Variants in ARL13A observed in about 807,000 individuals in gnomAD.
ARL13A encodes ARF like GTPase 13A.
ARL13A carries 16 observed loss-of-function variants against 19.1 expected under a neutral mutation model. That is an observed-to-expected ratio of 0.84 (90% confidence interval 0.57 to 1.27). The LOEUF (loss-of-function observed/expected upper bound fraction) is 1.27, where lower values mean the gene tolerates loss of function less well. Ranked by LOEUF, ARL13A falls within the 50% of genes most tolerant of loss-of-function variation. The pLI is 0.00. For synonymous variants in ARL13A, 69 were observed against 71.3 expected, an observed-to-expected ratio of 0.97 and a Z score of 0.17; for missense variants, 153 against 186.4, an observed-to-expected ratio of 0.82 and a Z score of 1.04.
At chrX:100,990,424 G>A in intron 7 of ARL13A, 138 bp from the exon 8 acceptor site, 1 of 954,124 alleles carries the variant, frequency 1.0e-6, no homozygotes, top group Non-Finnish European at 1.3e-6. Context: ...TAGCAAACAG[G>A]TTCATCTCCA....
intron 3 of ARL13A, among the ~76,000 whole-genome samples, chrX:100,980,745 A>T (rs1205956656): frequency 1.8e-5 from 2 of 111,500 alleles, no homozygotes; most frequent in Non-Finnish European, 3.8e-5. Context: ...GCCCATGGTG[A>T]CTACTGCCTG....
intron 1 of ARL13A, among the ~76,000 whole-genome samples, chrX:100,973,267 C>A (rs1416317551): frequency 6.9e-5 from 5 of 72,376 alleles, no homozygotes; most frequent in African/African-American, 2.6e-4. Flanking sequence ...ACATCCCAGA[C>A]GATGGGCGGC....
Position 100,985,679 on chromosome X carries a change from A to T in ARL13A, c.143A>T (p.Lys48Met). 1 of 1,209,768 alleles carries T rather than the reference A, an allele frequency of 8.3e-7. No individual in the cohort carries two copies. Among genetic ancestry groups the T allele is most frequent in the Non-Finnish European group, 1.1e-6 (1 of 894,573 alleles). Residue 48 changes from lysine (K) to methionine (M), a missense_variant, in exon 4 of 8, where the codon AAG becomes ATG. By Grantham distance (95) the Lys-to-Met change is moderately conservative. Coordinates refer to ENST00000450049, the MANE Select transcript of ARL13A (RefSeq NM_001162491.2). ...VEAFQKLLPS[K>M]TDHCMKSELT... Reference sequence around the variant, plus strand: ...CCCCTATGCACAGTACTTCCCAGTAAGACAGACCATTGCATGAAATCGGAA... The same window carrying T: ...CCCCTATGCACAGTACTTCCCAGTATGACAGACCATTGCATGAAATCGGAA...
At chrX:100,978,378 C>T (rs566277391) in intron 3 of ARL13A, among the ~76,000 whole-genome samples, 2 of 111,496 alleles carry the variant, frequency 1.8e-5, no homozygotes, top group African/African-American at 6.5e-5. Flanking sequence ...CTTTGTATAT[C>T]TGGGTGCTCC....
At chrX:100,979,807 G>A (rs1003867501) in intron 3 of ARL13A, among the ~76,000 whole-genome samples, 1 of 111,842 alleles carries the variant, frequency 8.9e-6, no homozygotes, top group African/African-American at 3.3e-5. Context: ...ATGCATTAGG[G>A]GACACCCTAA....
chrX:100,982,164 C>T (rs2085866809), intron 3 of ARL13A, among the ~76,000 whole-genome samples: 1 of 110,828 alleles, frequency 9.0e-6, no homozygotes, highest in Non-Finnish European at 1.9e-5. Context: ...TCAGCCCCAC[C>T]CCAGATCTAT....
At chrX:100,972,679 C>A (rs1364238012) in intron 1 of ARL13A, among the ~76,000 whole-genome samples, 1 of 14,935 alleles carries the variant, frequency 6.7e-5, no homozygotes, top group African/African-American at 2.7e-4. Context: ...CCCCCACCCA[C>A]CTCCCTCCCG....
In ARL13A at chrX:100,988,179, C is replaced by T. The variant is rs760331149; in HGVS notation, c.654-14C>T. The T allele has an allele frequency of 2.2e-5, 26 of 1,189,832 alleles. 1 individual carries two copies. In the Admixed American group the frequency reaches 4.9e-4, roughly 23 times the overall value. On this transcript the variant is annotated splice_polypyrimidine_tract_variant and intron_variant, in intron 6 of 7. Transcript: ENST00000450049. Reference sequence around the variant, plus strand: ...TCCGTTTCTACTACTGCTGTCCTTTCCATCTTCCACCAGCTTCTCCACCAG... The same window carrying T: ...TCCGTTTCTACTACTGCTGTCCTTTTCATCTTCCACCAGCTTCTCCACCAG...
rs781758498 is a variant in ARL13A, at chrX:100,985,742, T to A, written c.206T>A (p.Ile69Asn). The change falls in exon 4 of 8, where the codon ATC becomes AAC. Residue 69 changes from isoleucine to asparagine, a missense_variant. Coordinates refer to ENST00000450049, the MANE Select transcript of ARL13A (RefSeq NM_001162491.2). ...TLLLDEYELS[I>N]YDLNGDLKGR... ...TTGTTAGATGAGTATGAACTTTCCA[T>A]CTATGACCTGAATGGAGACCTGAAG... 2.5e-6 allele frequency: 3 copies of A among 1,209,252 alleles called. No homozygotes were observed. The African/African-American group carries it at 5.3e-5, about 21-fold the overall frequency.
intron 3 of ARL13A, among the ~76,000 whole-genome samples, chrX:100,975,109 G>A (rs1292290777): frequency 9.0e-6 from 1 of 111,614 alleles, no homozygotes; most frequent in African/African-American, 3.3e-5. Flanking sequence ...ACTGTTCAAT[G>A]CCATTATCTT....
chrX:100,986,017 C>A, intron 4 of ARL13A, 101 bp downstream of exon 4: 1 of 990,849 alleles, frequency 1.0e-6, no homozygotes. Flanking sequence ...CCCAGCTAGG[C>A]CTCCTGTTCC....
At chrX:100,976,256 G>A (rs988309256) in intron 3 of ARL13A, among the ~76,000 whole-genome samples, 2 of 109,850 alleles carry the variant, frequency 1.8e-5, no homozygotes, top group Non-Finnish European at 3.8e-5. Context: ...GGTTTCTGAT[G>A]GCCAGCCAGC....
chrX:100,970,230 CATAT>C (rs776260229), intron 1 of ARL13A, among the ~76,000 whole-genome samples: 1 of 112,582 alleles, frequency 8.9e-6, no homozygotes, highest in Non-Finnish European at 1.9e-5. Flanking sequence ...GATCACAGGC[CATAT>C]ATAAAGTTTC....
At chrX:100,988,549 AT>A (rs1209730434) in intron 7 of ARL13A, 1 of 1,075,440 alleles carries the variant, frequency 9.3e-7, no homozygotes. Flanking sequence ...TGATGACAAT[AT>A]TTTTGAAGGT....
chrX:100,970,975 C>T (rs769516789), intron 1 of ARL13A, among the ~76,000 whole-genome samples: 18 of 111,933 alleles, frequency 1.6e-4, no homozygotes, highest in African/African-American at 5.8e-4. Flanking sequence ...TAGGTATATA[C>T]CCAAGAGAAA....
chrX:100,971,563 T>G (rs1371645440), intron 1 of ARL13A, among the ~76,000 whole-genome samples: 13 of 88,751 alleles, frequency 1.5e-4, no homozygotes, highest in African/African-American at 6.4e-4. Flanking sequence ...AATAACCAGT[T>G]CCTCCTTCTA....
chrX:100,978,759 TTTCC>T (rs1190318027), intron 3 of ARL13A, among the ~76,000 whole-genome samples: 3 of 111,005 alleles, frequency 2.7e-5, no homozygotes, highest in Non-Finnish European at 5.7e-5. Flanking sequence ...TTTTTGGTCT[TTTCC>T]TTCCTTCCTT....
chrX:100,990,414 T>C, intron 7 of ARL13A, 148 bp from the exon 8 acceptor site: 1 of 949,312 alleles, frequency 1.1e-6, no homozygotes, highest in South Asian at 5.7e-5. Flanking sequence ...ATCCCTCCCT[T>C]AGCAAACAGG....
intron 2 of ARL13A, 70 bp downstream of exon 2, chrX:100,973,818 A>AG: frequency 1.9e-6 from 2 of 1,030,466 alleles, no homozygotes; most frequent in South Asian, 3.9e-5. Context: ...TAGTCCCTCA[A>AG]GGGACAAATC....
Sources: allele counts gnomAD v4.1 joint callset (sites outside exome capture counted in the v4.1 genomes callset), GRCh38; gene constraint gnomAD v4.1.1; transcripts MANE v1.5; gene names NCBI Gene and HGNC (gene_info 2026-07-23, HGNC 2026-07-21).